Variants in GNAS observed in about 807,000 individuals in gnomAD.
The protein encoded by GNAS is protein ALEX.
A neutral mutation model predicts 54.5 loss-of-function variants in GNAS; 8 were observed. The ratio of observed to expected loss-of-function variants is 0.15; its 90% CI spans 0.09 to 0.26. The LOEUF (loss-of-function observed/expected upper bound fraction) is 0.26. Ranked by LOEUF, GNAS falls within the 10% of genes least tolerant of loss-of-function variation. GNAS has a pLI of 1.00. For synonymous variants in GNAS, 204 were observed against 191.4 expected (o/e 1.07, Z -0.54); for missense variants, 170 against 529.8 (o/e 0.32, Z 6.67).
intron 2 of GNAS, among the ~76,000 whole-genome samples, chr20:58,896,886 AAAAC>A (rs537182477): frequency 2.5e-4 from 38 of 152,240 alleles, no homozygotes; most frequent in Middle Eastern, 3.4e-3. Flanking sequence ...ACCCCCCAAA[AAAAC>A]AAACAAAACA....
intron 1 of GNAS, among the ~76,000 whole-genome samples, chr20:58,880,333 C>A (rs1288889672): frequency 6.6e-6 from 1 of 152,126 alleles, no homozygotes; most frequent in Non-Finnish European, 1.5e-5. Flanking sequence ...AGGGCAGAGC[C>A]CAGATATGAT....
intron 1 of GNAS, among the ~76,000 whole-genome samples, chr20:58,848,437 C>G (rs576606916): frequency 6.6e-6 from 1 of 152,348 alleles, no homozygotes; most frequent in East Asian, 1.9e-4. Context: ...AATAGACTTT[C>G]CTTCCTCAGT....
upstream of GNAS, chr20:58,889,561 C>T (rs75509534): frequency 0.023 from 3,614 of 154,392 alleles, 165 homozygotes; most frequent in African/African-American, 0.083. Context: ...TAAACAGACT[C>T]CTGCCATCCG....
In GNAS at chr20:58,841,522, G is replaced by T; in HGVS notation, c.43+636G>T. ...TAAGCCGCGGGACCTCCGCGCCAGT[G>T]CCTCCAGCTGCCGTGCGCCAGCCTT... On this transcript the variant is annotated intron_variant, in intron 1 of 12. Transcript: ENST00000306090. The surrounding 1 kb of genome is among the most constrained non-coding windows in gnomAD (Gnocchi z 5.0). 1 of 993,450 alleles carries T rather than the reference G, an allele frequency of 1.0e-6. No individual in the cohort carries two copies. Among genetic ancestry groups the T allele is most frequent in the Non-Finnish European group, 1.2e-6 (1 of 835,674 alleles). 61.5% of individuals were successfully genotyped at this position (993,450 alleles called of 1,614,324 possible). A position where few individuals can be genotyped will look rare whatever the true frequency, so the allele number is the denominator to read the frequency against.
At chr20:58,849,257 A>G (rs1363610918) in intron 1 of GNAS, among the ~76,000 whole-genome samples, 1 of 152,158 alleles carries the variant, frequency 6.6e-6, no homozygotes, top group Non-Finnish European at 1.5e-5. Flanking sequence ...GCAGAGGCTA[A>G]AACACCAAGT....
At chr20:58,888,981 C>A, upstream of GNAS, 1 of 811,334 alleles carries the variant, frequency 1.2e-6, no homozygotes, top group South Asian at 5.5e-5. Context: ...CCCCCGCGCC[C>A]CCGGCCCACG....
At chr20:58,849,551 C>G (rs1361314656) in intron 1 of GNAS, among the ~76,000 whole-genome samples, 2 of 152,326 alleles carry the variant, frequency 1.3e-5, no homozygotes, top group South Asian at 4.1e-4. Context: ...AAATCTCCAT[C>G]CCAACTGCCC....
chr20:58,893,241 C>G (rs1391645598), intron 1 of GNAS, among the ~76,000 whole-genome samples: 6 of 144,648 alleles, frequency 4.1e-5, no homozygotes, highest in African/African-American at 8.3e-5. Context: ...GATTTTTCCT[C>G]TGATTAAAAA....
chr20:58,871,125 CTAG>C (rs2087416056), intron 1 of GNAS, among the ~76,000 whole-genome samples: 1 of 152,216 alleles, frequency 6.6e-6, no homozygotes, highest in Admixed American at 6.5e-5. Flanking sequence ...AGTCCTTTCG[CTAG>C]CGGGGAAGAG....
intron 1 of GNAS, chr20:58,883,035 A>G (rs191282641): frequency 8.0e-5 from 12 of 149,850 alleles, no homozygotes; most frequent in African/African-American, 2.0e-4. Flanking sequence ...AAGTGCTGGG[A>G]AAAAAAAAAG....
At position 58,910,285 on chromosome 20, in the gene GNAS, C is replaced by A. The variant is rs2146298250; in HGVS notation, c.971-49C>A. ...AGCTACAGAGATGCTAGCACCCCAGCTCTGCTTGAATTTTAAATTACATTA... is the reference window on the plus strand; with the variant it reads ...AGCTACAGAGATGCTAGCACCCCAGATCTGCTTGAATTTTAAATTACATTA... On this transcript the variant is annotated intron_variant, in intron 11 of 12. Coordinates refer to ENST00000371085, the MANE Select transcript of GNAS (RefSeq NM_000516.7). This position sits in a 1 kb window ranked among gnomAD's most constrained non-coding sequence, Gnocchi z 5.8. 1 of 1,430,116 alleles carries A rather than the reference C, an allele frequency of 7.0e-7. No homozygotes were observed. The highest frequency in any genetic ancestry group is 9.9e-7 in the Non-Finnish European group (1 of 1,012,020). The allele number at this position is 1,430,116 out of a possible 1,614,324, so 88.6% of individuals were successfully genotyped here.
intron 1 of GNAS, among the ~76,000 whole-genome samples, chr20:58,894,312 C>T (rs1181936359): frequency 6.6e-6 from 1 of 152,168 alleles, no homozygotes. Context: ...GTTTCCTTGG[C>T]CTCTCTTAAT....
intron 1 of GNAS, among the ~76,000 whole-genome samples, chr20:58,885,720 A>G (rs2088547795): frequency 5.9e-5 from 9 of 152,248 alleles, no homozygotes. Flanking sequence ...AGACTAGGAA[A>G]TGCTTTTTAC....
Position 58,846,889 on chromosome 20 carries a change from T to C in GNAS, c.43+6003T>C, listed in dbSNP as rs532475882. Reference sequence around the variant, plus strand: ...CAGAAATTTTAAGCAGAGCTTCCACTAAAGCCAAATTTACCTTCCGAGATT... The same window carrying C: ...CAGAAATTTTAAGCAGAGCTTCCACCAAAGCCAAATTTACCTTCCGAGATT... On this transcript the variant is annotated intron_variant, in intron 1 of 12. Coordinates refer to the GNAS transcript ENST00000306090. Among the ~76,000 whole-genome samples the C allele has an allele frequency of 2.0e-5, 3 of 152,314 alleles. No individual in the cohort carries two copies. In the South Asian group the frequency reaches 6.2e-4, roughly 32 times the overall value.
chr20:58,904,019 C>T (rs145225157), intron 5 of GNAS, among the ~76,000 whole-genome samples: 262 of 152,306 alleles, frequency 1.7e-3, no homozygotes, highest in Admixed American at 5.0e-3. Flanking sequence ...GAGCAAAATT[C>T]TGTCACCCCT....
intron 6 of GNAS, among the ~76,000 whole-genome samples, chr20:58,905,918 G>GA (rs2091012559): frequency 6.6e-6 from 1 of 151,214 alleles, no homozygotes. Flanking sequence ...CTTGGTAGTT[G>GA]TTGATTGATC....
chr20:58,872,755 G>T (rs551614890), intron 1 of GNAS, among the ~76,000 whole-genome samples: 1 of 151,800 alleles, frequency 6.6e-6, no homozygotes, highest in Non-Finnish European at 1.5e-5. Context: ...AGGGTGGGGG[G>T]CAGAGAGAGA....
intron 3 of GNAS, among the ~76,000 whole-genome samples, chr20:58,900,588 GGGA>G (rs1382337748): frequency 2.0e-5 from 3 of 152,108 alleles, no homozygotes; most frequent in Admixed American, 6.6e-5. Context: ...ACATAGAAGG[GGGA>G]GGAGGAGGAA....
At chr20:58,905,731 G>T (rs2090998717) in intron 6 of GNAS, among the ~76,000 whole-genome samples, 1 of 152,168 alleles carries the variant, frequency 6.6e-6, no homozygotes, top group African/African-American at 2.4e-5. Flanking sequence ...GCAAAATGAT[G>T]ATGAGTTTCA....
Sources: allele counts gnomAD v4.1 joint callset (sites outside exome capture counted in the v4.1 genomes callset), GRCh38; gene constraint gnomAD v4.1.1; non-coding constraint Gnocchi (gnomAD v3.1); transcripts MANE v1.5; gene names NCBI Gene and HGNC (gene_info 2026-07-23, HGNC 2026-07-21).